Variants in ASTN2 observed in about 807,000 individuals in gnomAD.
The protein encoded by ASTN2 is astrotactin 2.
Under a neutral mutation model 139.8 loss-of-function variants are expected in ASTN2, and 54 were observed. The observed-to-expected ratio is 0.39, with a 90% CI of 0.31 to 0.48. ASTN2 has a LOEUF of 0.48. Among genes scored for constraint, ASTN2 ranks in the 20% least tolerant of loss-of-function variants. The probability of loss-of-function intolerance (pLI) is 0.95; values close to 1 mark genes in which losing one functional copy is unlikely to be tolerated. For missense variants in ASTN2, 1,565 were observed against 1,725.1 expected (o/e 0.91, Z 1.64); for synonymous variants, 756 against 719.5 (o/e 1.05, Z -0.81).
intron 19 of ASTN2, among the ~76,000 whole-genome samples, chr9:116,510,390 GTT>G (rs994642076): frequency 6.6e-6 from 1 of 152,180 alleles, no homozygotes; most frequent in Non-Finnish European, 1.5e-5. Context: ...GTACCATGCT[GTT>G]TTGGTTACTA....
At chr9:116,623,828 C>T (rs1479158918) in intron 17 of ASTN2, among the ~76,000 whole-genome samples, 3 of 152,128 alleles carry the variant, frequency 2.0e-5, no homozygotes, top group African/African-American at 7.2e-5. Context: ...TAGTAGGTCA[C>T]ACAGGAAGAA....
chr9:117,097,187 G>A lies in ASTN2; in HGVS notation c.1169-1036C>T, dbSNP rs182874078. Among the ~76,000 whole-genome samples the A allele has an allele frequency of 4.6e-4, 70 of 152,314 alleles. 1 individual carries two copies. Among genetic ancestry groups the A allele is most frequent in the African/African-American group, 1.5e-3 (64 of 41,568 alleles). ...GCCTGTGCAGCGAGGATGGGAGGAG[G>A]AGATGAGTGCAAAGGGTGCTTCAGA... On this transcript the variant is annotated intron_variant, in intron 4 of 22. Transcript: ENST00000313400.
intron 2 of ASTN2, among the ~76,000 whole-genome samples, chr9:117,253,926 G>T (rs1833609911): frequency 6.6e-6 from 1 of 152,156 alleles, no homozygotes; most frequent in South Asian, 2.1e-4. Context: ...TTATCTGCAT[G>T]AAGTGCCAGC....
At chr9:117,166,425 A>C (rs1359798854) in intron 3 of ASTN2, among the ~76,000 whole-genome samples, 1 of 152,088 alleles carries the variant, frequency 6.6e-6, no homozygotes, top group Non-Finnish European at 1.5e-5. Flanking sequence ...AAGACTCTTC[A>C]TGACTTTCCA....
At chr9:117,233,231 G>A (rs1015096531) in intron 2 of ASTN2, among the ~76,000 whole-genome samples, 11 of 152,288 alleles carry the variant, frequency 7.2e-5, no homozygotes, top group African/African-American at 2.4e-4. Flanking sequence ...TCCCCCAAGC[G>A]AGCATGTGTT....
rs1832235901 is a variant in ASTN2, at chr9:117,214,300, C to T, written c.1015+58G>A. 13 of 1,520,998 alleles carry T rather than the reference C, an allele frequency of 8.5e-6. No homozygotes were observed. In the Admixed American group the frequency reaches 1.8e-4, roughly 21 times the overall value. 94.2% of individuals were successfully genotyped at this position (1,520,998 alleles called of 1,614,324 possible). A position where few individuals can be genotyped will look rare whatever the true frequency, so the allele number is the denominator to read the frequency against. ...GTCCCCAACTGCCCAGCTTCTGCAC[C>T]TCTTCCCATCTTTTCAAAATGCCCC... On this transcript the variant is annotated intron_variant, in intron 3 of 22. Coordinates refer to ENST00000313400, the MANE Select transcript of ASTN2 (RefSeq NM_001365068.1).
rs375526308 is a variant in ASTN2, at chr9:117,214,412, T to A, written c.961A>T (p.Thr321Ser). ...EDEFGSQVTH[T>S]LDSLGHPGEE... ...CCTGGATGTCCCAGACTGTCCAGAG[T>A]GTGGGTCACCTGGCTGCCAAACTCG... The change falls in exon 3 of 23, where the codon ACT becomes TCT. Residue 321 changes from threonine to serine, a missense_variant. Transcript: ENST00000313400. 9 of 1,613,720 alleles carry A rather than the reference T, an allele frequency of 5.6e-6. No homozygotes were observed. The East Asian group carries it at 2.0e-4, about 36-fold the overall frequency.
intron 19 of ASTN2, among the ~76,000 whole-genome samples, chr9:116,543,522 A>G (rs999079110): frequency 6.6e-6 from 1 of 152,186 alleles, no homozygotes; most frequent in Admixed American, 6.5e-5. Flanking sequence ...GCCATAAAAA[A>G]AGTTTAACAT....
intron 10 of ASTN2, among the ~76,000 whole-genome samples, chr9:116,899,276 G>T (rs1227486893): frequency 6.6e-6 from 1 of 152,108 alleles, no homozygotes; most frequent in Non-Finnish European, 1.5e-5. Flanking sequence ...AATCCAATCA[G>T]GAGAAGCTGT....
At position 116,651,599 on chromosome 9, in the gene ASTN2, T is replaced by A. The variant is rs906007263; in HGVS notation, c.3001A>T (p.Thr1001Ser). ...CGGTTGATTTCCAGCAGCACTGGTG[T>A]GGGGCTCAGCTGCTCCTTGCCTGGC... ...RRPGKEQLSP[T>S]PVLLEINRVV... Residue 1001 changes from threonine (T) to serine (S), a missense_variant, in exon 17 of 23, where the codon ACA becomes TCA. This residue lies in a region of ASTN2 where 418 missense variants were observed against 465.8 expected (regional missense o/e 0.90). Coordinates refer to ENST00000313400, the MANE Select transcript of ASTN2 (RefSeq NM_001365068.1). The A allele has an allele frequency of 3.1e-6, 5 of 1,614,062 alleles. No homozygotes were observed. Among genetic ancestry groups the A allele is most frequent in the Non-Finnish European group, 3.4e-6 (4 of 1,180,050 alleles).
chr9:116,449,269 G>A (rs1289038452), intron 20 of ASTN2, among the ~76,000 whole-genome samples: 1 of 152,142 alleles, frequency 6.6e-6, no homozygotes, highest in Non-Finnish European at 1.5e-5. Context: ...AGCTGTGCAT[G>A]GTGGTACACA....
chr9:117,322,919 C>G (rs1828379923), intron 1 of ASTN2, among the ~76,000 whole-genome samples: 1 of 152,150 alleles, frequency 6.6e-6, no homozygotes, highest in Admixed American at 6.5e-5. Flanking sequence ...TTCAACCTTT[C>G]CAGTAATGGG....
intron 19 of ASTN2, among the ~76,000 whole-genome samples, chr9:116,617,537 A>G (rs992827230): frequency 8.5e-5 from 13 of 152,214 alleles, no homozygotes; most frequent in Non-Finnish European, 1.5e-4. Context: ...CGATACCACA[A>G]GCTGAATAAC....
At chr9:116,882,912 G>A (rs1276334591) in intron 10 of ASTN2, among the ~76,000 whole-genome samples, 1 of 152,152 alleles carries the variant, frequency 6.6e-6, no homozygotes, top group Admixed American at 6.5e-5. Flanking sequence ...CGAAGGGGGT[G>A]TAGTGAAATG....
chr9:117,194,649 A>C (rs10818009), intron 3 of ASTN2, among the ~76,000 whole-genome samples: 150,606 of 152,298 alleles, frequency 0.99, 74,483 homozygotes, highest in Middle Eastern at 1. Context: ...CATCTAAGCT[A>C]ATGTCTTTCC....
intron 3 of ASTN2, among the ~76,000 whole-genome samples, chr9:117,160,770 T>C (rs904912362): frequency 2.0e-5 from 3 of 152,024 alleles, no homozygotes; most frequent in African/African-American, 7.2e-5. Flanking sequence ...ATATCCTGTA[T>C]ATGTAACACA....
intron 13 of ASTN2, among the ~76,000 whole-genome samples, chr9:116,775,991 A>T (rs1830080078): frequency 6.6e-6 from 1 of 152,140 alleles, no homozygotes; most frequent in Admixed American, 6.5e-5. Context: ...TCTACGTATG[A>T]TTGTGCAGCT....
intron 6 of ASTN2, among the ~76,000 whole-genome samples, chr9:117,027,844 CA>C (rs1395616896): frequency 2.6e-5 from 4 of 152,048 alleles, no homozygotes; most frequent in African/African-American, 7.2e-5. Flanking sequence ...ATTTTCTAAC[CA>C]CCTATTTTTG....
intron 13 of ASTN2, among the ~76,000 whole-genome samples, chr9:116,758,764 G>A (rs1425924382): frequency 6.6e-6 from 1 of 152,138 alleles, no homozygotes; most frequent in Non-Finnish European, 1.5e-5. Flanking sequence ...AGAACACTGG[G>A]GCAGGTGTTT....
Sources: gnomAD v4.1 joint callset for allele counts (sites outside exome capture counted in the v4.1 genomes callset) on GRCh38, gnomAD v4.1.1 for gene constraint, gnomAD v4.1.1 regional missense constraint, MANE v1.5 for transcripts, NCBI Gene and HGNC (gene_info 2026-07-23, HGNC 2026-07-21) for gene names.